The following PLS3 variants were observed in gnomAD, a reference collection of about 807,000 sequenced individuals.
The protein encoded by PLS3 is plastin 3.
PLS3 carries 11 observed loss-of-function variants against 46.5 expected under a neutral mutation model. The ratio of observed to expected loss-of-function variants is 0.24; its 90% CI spans 0.15 to 0.39. PLS3 has a LOEUF of 0.39. PLS3 is among the 10% of genes least tolerant of loss of function. The pLI, the probability that PLS3 is intolerant of heterozygous loss-of-function variation, is 1.00. For missense variants in PLS3, 308 were observed against 461.8 expected (o/e 0.67, Z 3.05); for synonymous variants, 167 against 162.2 (o/e 1.03, Z -0.22).
chrX:115,589,341 A>G (rs1471260454), intron 1 of PLS3, among the ~76,000 whole-genome samples: 1 of 111,737 alleles, frequency 8.9e-6, no homozygotes, highest in Admixed American at 9.6e-5. Flanking sequence ...TACATATATG[A>G]CTTGATTATT....
intron 1 of PLS3, among the ~76,000 whole-genome samples, chrX:115,594,349 A>G (rs782155986): frequency 6.3e-5 from 7 of 111,540 alleles, no homozygotes; most frequent in Non-Finnish European, 1.3e-4. Context: ...CCTCACTCTG[A>G]GTTGAGTCAC....
In PLS3 at chrX:115,587,532, G is replaced by T. The variant is rs930297768; in HGVS notation, c.-8-22711G>T. 1.7e-4 allele frequency among the ~76,000 whole-genome samples: 19 copies of T among 111,195 alleles called. No individual in the cohort carries two copies. In the East Asian group the frequency reaches 4.6e-3, roughly 27 times the overall value. Reference sequence around the variant, plus strand: ...GGGCAGATCACGAGGTCAGGAGATCGAGACCATCCTGGCTAACACGGTGAA... The same window carrying T: ...GGGCAGATCACGAGGTCAGGAGATCTAGACCATCCTGGCTAACACGGTGAA... On this transcript the variant is annotated intron_variant, in intron 1 of 15. Transcript: ENST00000355899.
At chrX:115,579,745 A>G (rs2074269428) in intron 1 of PLS3, among the ~76,000 whole-genome samples, 1 of 110,740 alleles carries the variant, frequency 9.0e-6, no homozygotes, top group Non-Finnish European at 1.9e-5. Context: ...ATTTTCTTTC[A>G]TTTTTGAGAC....
intron 2 of PLS3, 161 bp from the exon 3 acceptor site, chrX:115,622,085 T>C: frequency 2.3e-6 from 1 of 435,952 alleles, no homozygotes; most frequent in Non-Finnish European, 3.9e-6. Context: ...GCTTTTTCCA[T>C]TTAAATGTCC....
intron 8 of PLS3, among the ~76,000 whole-genome samples, chrX:115,638,752 G>A (rs1290870083): frequency 1.9e-5 from 2 of 104,675 alleles, no homozygotes; most frequent in Non-Finnish European, 3.9e-5. Flanking sequence ...TTGCTCTGTC[G>A]CCCAGGCTGG....
At chrX:115,618,375 T>G (rs1287566538) in intron 2 of PLS3, among the ~76,000 whole-genome samples, 1 of 104,625 alleles carries the variant, frequency 9.6e-6, no homozygotes, top group Non-Finnish European at 2.0e-5. Flanking sequence ...GCCAGGAGTT[T>G]GAGATTAGCC....
chrX:115,562,745 C>G (rs781823005), intron 1 of PLS3: 5 of 110,638 alleles, frequency 4.5e-5, no homozygotes, highest in African/African-American at 6.6e-5. Flanking sequence ...AATCACGTGC[C>G]CCAAGTCTCT....
intron 5 of PLS3, among the ~76,000 whole-genome samples, chrX:115,631,724 T>C (rs1253597519): frequency 2.7e-5 from 3 of 111,076 alleles, no homozygotes; most frequent in African/African-American, 9.8e-5. Flanking sequence ...ACCCTGTCTG[T>C]CTAAGAAATA....
chrX:115,618,525 GC>G (rs1556637123), intron 2 of PLS3, among the ~76,000 whole-genome samples: 1 of 111,723 alleles, frequency 9.0e-6, no homozygotes, highest in African/African-American at 3.3e-5. Flanking sequence ...TTTCAAGGCT[GC>G]AGTGAGCTAT....
At chrX:115,589,733 C>A (rs1162391022) in intron 1 of PLS3, among the ~76,000 whole-genome samples, 17 of 112,063 alleles carry the variant, frequency 1.5e-4, no homozygotes, top group African/African-American at 5.5e-4. Context: ...AAATACTATG[C>A]CTAGCTTTTG....
intron 5 of PLS3, among the ~76,000 whole-genome samples, chrX:115,631,021 ATATATGT>A (rs1225170206): frequency 1.0e-5 from 1 of 95,494 alleles, no homozygotes; most frequent in African/African-American, 4.1e-5. Context: ...TATATTATAC[ATATATGT>A]TATATATAAT....
chrX:115,566,926 C>T (rs1556630200), intron 1 of PLS3, among the ~76,000 whole-genome samples: 1 of 111,751 alleles, frequency 8.9e-6, no homozygotes, highest in Non-Finnish European at 1.9e-5. Flanking sequence ...ATCCGCCCGC[C>T]TTGGCCTCCC....
At chrX:115,587,253 G>A (rs1216730235) in intron 1 of PLS3, among the ~76,000 whole-genome samples, 1 of 112,237 alleles carries the variant, frequency 8.9e-6, no homozygotes, top group African/African-American at 3.2e-5. Context: ...AAATGTACTT[G>A]ATGAAGCAGG....
intron 12 of PLS3, 70 bp from the exon 13 acceptor site, chrX:115,646,331 CA>C: frequency 9.3e-7 from 1 of 1,071,030 alleles, no homozygotes; most frequent in Non-Finnish European, 1.3e-6. Context: ...TAGCATTATA[CA>C]AGACACACAC....
intron 2 of PLS3, among the ~76,000 whole-genome samples, chrX:115,615,519 G>GAGAGAGAGAA (rs1189755142): frequency 1.9e-5 from 2 of 106,090 alleles, no homozygotes; most frequent in Non-Finnish European, 1.9e-5. Context: ...GAGAGAGAGA[G>GAGAGAGAGAA]AGAGAGAGAG....
At chrX:115,573,074 C>T (rs1274767259) in intron 1 of PLS3, among the ~76,000 whole-genome samples, 20 of 71,250 alleles carry the variant, frequency 2.8e-4, no homozygotes, top group African/African-American at 1.1e-3. Flanking sequence ...GCCTGGGTGA[C>T]AAGAGTGAGA....
At position 115,564,886 on chromosome X, in the gene PLS3, C is replaced by T. The variant is rs781791533; in HGVS notation, c.-9+3626C>T. Among the ~76,000 whole-genome samples the T allele has an allele frequency of 7.2e-5, 8 of 111,823 alleles. No individual in the cohort carries two copies. The East Asian group carries it at 2.0e-3, about 27-fold the overall frequency. Reference sequence around the variant, plus strand: ...AATCATGTTGTCTTTGGTCATATGGCAATTTTTCTTTTGGTGAAGAGTGAT... The same window carrying T: ...AATCATGTTGTCTTTGGTCATATGGTAATTTTTCTTTTGGTGAAGAGTGAT... On this transcript the variant is annotated intron_variant, in intron 1 of 15. Transcript: ENST00000355899.
intron 2 of PLS3, among the ~76,000 whole-genome samples, chrX:115,621,879 TACAGTAGAAATTGTTCTATA>T (rs2074658960): frequency 1.8e-5 from 2 of 111,968 alleles, no homozygotes; most frequent in Non-Finnish European, 3.8e-5. Flanking sequence ...TTCCTATACT[TACAGTAGAAATTGTTCTATA>T]CCATGGAAGT....
At chrX:115,620,150 T>A (rs1556637303) in intron 2 of PLS3, among the ~76,000 whole-genome samples, 1 of 111,163 alleles carries the variant, frequency 9.0e-6, no homozygotes, top group Non-Finnish European at 1.9e-5. Flanking sequence ...TAGAAAGAAA[T>A]GTCAGTGTAT....
Sources: gnomAD v4.1 joint callset for allele counts (sites outside exome capture counted in the v4.1 genomes callset) on GRCh38, gnomAD v4.1.1 for gene constraint, MANE v1.5 for transcripts, NCBI Gene and HGNC (gene_info 2026-07-23, HGNC 2026-07-21) for gene names.